The following PRIM2 variants were observed in gnomAD, a reference collection of about 807,000 sequenced individuals.
The protein encoded by PRIM2 is DNA primase subunit 2, also known as DNA primase large subunit.
Under a neutral mutation model 67.3 loss-of-function variants are expected in PRIM2, and 39 were observed. The observed-to-expected ratio is 0.58, with a 90% CI of 0.45 to 0.76. PRIM2 has a LOEUF of 0.76. PRIM2 is among the 30% of genes least tolerant of loss of function. The pLI is 0.00. For missense variants in PRIM2, 398 were observed against 598.7 expected (o/e 0.66, Z 3.50); for synonymous variants, 143 against 198.7 (o/e 0.72, Z 2.36).
chr6:57,524,840 C>T (rs1464617102), intron 8 of PRIM2, among the ~76,000 whole-genome samples: 8 of 152,030 alleles, frequency 5.3e-5, no homozygotes, highest in Non-Finnish European at 7.4e-5. Flanking sequence ...GTTTGTTATA[C>T]ACAATTGCAA....
At chr6:57,311,798 G>T (rs1353777923), upstream of PRIM2, among the ~76,000 whole-genome samples, 2 of 152,048 alleles carry the variant, frequency 1.3e-5, no homozygotes, top group Admixed American at 1.3e-4. Context: ...AGGCGGAGGC[G>T]GGCAGATCAT....
At chr6:57,456,779 T>C (rs1018669904) in intron 7 of PRIM2, among the ~76,000 whole-genome samples, 1 of 152,182 alleles carries the variant, frequency 6.6e-6, no homozygotes, top group African/African-American at 2.4e-5. Flanking sequence ...AAGCCTTCTT[T>C]TCTCAACTTG....
At chr6:57,230,976 A>G in the PRIM2 span, among the ~76,000 whole-genome samples, 1 of 152,202 alleles carries the variant, frequency 6.6e-6, no homozygotes, top group Non-Finnish European at 1.5e-5. Flanking sequence ...TGCTACCTCC[A>G]TCAGTCTCTA....
intron 7 of PRIM2, among the ~76,000 whole-genome samples, chr6:57,501,583 A>C (rs1247285575): frequency 2.8e-4 from 43 of 152,230 alleles, no homozygotes; most frequent in Non-Finnish European, 5.7e-4. Context: ...TACAGGCATG[A>C]GCCACTGTGC....
chr6:57,431,464 G>A (rs1771824514), intron 7 of PRIM2, among the ~76,000 whole-genome samples: 1 of 151,896 alleles, frequency 6.6e-6, no homozygotes, highest in African/African-American at 2.4e-5. Context: ...ACCAGCCTGG[G>A]CAATAAAGTG....
At chr6:57,494,294 G>C (rs1230241247) in intron 7 of PRIM2, among the ~76,000 whole-genome samples, 1 of 152,110 alleles carries the variant, frequency 6.6e-6, no homozygotes, top group Non-Finnish European at 1.5e-5. Flanking sequence ...CAGAAGAATA[G>C]GCAGTTGTTA....
At chr6:57,352,006 C>T (rs1768872876) in intron 5 of PRIM2, among the ~76,000 whole-genome samples, 1 of 152,096 alleles carries the variant, frequency 6.6e-6, no homozygotes, top group South Asian at 2.1e-4. Flanking sequence ...ATGGAATCAT[C>T]TATGTAAATT....
rs1407978985 is a variant in PRIM2 at position 57,603,418 on chromosome 6, C to T, written c.1147+2199C>T. 1.0e-3 allele frequency among the ~76,000 whole-genome samples: 154 copies of T among 149,886 alleles called. 1 individual carries two copies. Among genetic ancestry groups the T allele is most frequent in the African/African-American group, 2.7e-3 (109 of 40,780 alleles). On this transcript the variant is annotated intron_variant, in intron 11 of 13. Coordinates refer to ENST00000615550, the MANE Select transcript of PRIM2 (RefSeq NM_000947.5). ...TCATGTCTCTGCTAGCTGGTTATTC[C>T]GACACATTTATTGAATAGGAGTCCT...
At chr6:57,270,688 G>A in the PRIM2 span, among the ~76,000 whole-genome samples, 8 of 152,246 alleles carry the variant, frequency 5.3e-5, no homozygotes, top group East Asian at 1.5e-3. Context: ...GTGAGAGAGG[G>A]CATCCCTGTC....
At chr6:57,641,542 A>G (rs1441150637) in intron 13 of PRIM2, among the ~76,000 whole-genome samples, 26 of 152,322 alleles carry the variant, frequency 1.7e-4, no homozygotes, top group African/African-American at 5.8e-4. Context: ...TTTACAAGAA[A>G]CAAACAATCC....
the PRIM2 span, among the ~76,000 whole-genome samples, chr6:57,279,271 G>C: frequency 6.6e-6 from 1 of 152,242 alleles, no homozygotes; most frequent in East Asian, 1.9e-4. Context: ...TTACTTTACT[G>C]CTTTTTTCTT....
the PRIM2 span, among the ~76,000 whole-genome samples, chr6:57,307,804 C>G: frequency 6.6e-6 from 1 of 152,174 alleles, no homozygotes; most frequent in African/African-American, 2.4e-5. Context: ...ACTTTCTTCT[C>G]TTCTTCCTAT....
At chr6:57,429,172 A>C (rs1355170035) in intron 7 of PRIM2, among the ~76,000 whole-genome samples, 2 of 152,096 alleles carry the variant, frequency 1.3e-5, no homozygotes, top group Non-Finnish European at 2.9e-5. Context: ...TTAATTCACT[A>C]CTCCATTGAG....
At chr6:57,359,187 C>T (rs1423153103) in intron 5 of PRIM2, among the ~76,000 whole-genome samples, 1 of 152,230 alleles carries the variant, frequency 6.6e-6, no homozygotes, top group African/African-American at 2.4e-5. Flanking sequence ...TGTCTGGGTA[C>T]AGGCTTTAAG....
At chr6:57,357,886 A>G (rs1581824585) in intron 5 of PRIM2, among the ~76,000 whole-genome samples, 1 of 151,924 alleles carries the variant, frequency 6.6e-6, no homozygotes, top group East Asian at 1.9e-4. Flanking sequence ...GAGCCACCGC[A>G]CCCGGCTTCC....
chr6:57,344,725 G>A (rs1358135386), intron 5 of PRIM2, among the ~76,000 whole-genome samples: 2 of 152,100 alleles, frequency 1.3e-5, no homozygotes, highest in East Asian at 3.9e-4. Flanking sequence ...AAGTTTTCTA[G>A]TTAGTTGAGG....
intron 10 of PRIM2, among the ~76,000 whole-genome samples, chr6:57,549,192 A>T (rs1269102199): frequency 2.0e-5 from 3 of 152,352 alleles, no homozygotes; most frequent in African/African-American, 7.2e-5. Context: ...ATAAGGTAAA[A>T]TTTATTCAGG....
Position 57,467,126 on chromosome 6 carries a change from GA to G in PRIM2, c.694-40254del, listed in dbSNP as rs1200104661. Among the ~76,000 whole-genome samples, 228 of 98,278 alleles carry G rather than the reference GA, an allele frequency of 2.3e-3. 1 individual carries two copies. The highest frequency in any genetic ancestry group is 6.3e-3 in the African/African-American group (177 of 28,110). 64.5% of individuals were successfully genotyped at this position (98,278 alleles called of 152,430 possible). ...ATCTCAAAAAAAAAAAAAAAGAAAA[GA>G]AAAAAAGATCCCATTTGTTAGTTTT... On this transcript the variant is annotated intron_variant, in intron 7 of 13. Coordinates refer to ENST00000615550, the MANE Select transcript of PRIM2 (RefSeq NM_000947.5).
chr6:57,229,373 A>C, the PRIM2 span, among the ~76,000 whole-genome samples: 18 of 152,276 alleles, frequency 1.2e-4, no homozygotes, highest in African/African-American at 4.1e-4. Flanking sequence ...AATGAACTAC[A>C]TTTAAAATTT....
Sources: gnomAD v4.1 joint callset for allele counts (sites outside exome capture counted in the v4.1 genomes callset) on GRCh38, gnomAD v4.1.1 for gene constraint, MANE v1.5 for transcripts, NCBI Gene and HGNC (gene_info 2026-07-23, HGNC 2026-07-21) for gene names.